Variants in SLC30A8 observed in about 807,000 individuals in gnomAD.
SLC30A8 encodes proton-coupled zinc antiporter SLC30A8.
SLC30A8 carries 27 observed loss-of-function variants against 36.9 expected under a neutral mutation model. The observed-to-expected ratio is 0.73, with a 90% confidence interval of 0.54 to 1.01. The LOEUF is 1.01. SLC30A8 is among the 50% of genes least tolerant of loss of function. The pLI is 0.00. For missense variants in SLC30A8, 439 were observed against 452.0 expected (o/e 0.97, Z 0.26); for synonymous variants, 164 against 172.4 (o/e 0.95, Z 0.38).
intron 1 of SLC30A8, among the ~76,000 whole-genome samples, chr8:116,976,705 G>A (rs1233499756): frequency 6.6e-6 from 1 of 152,060 alleles, no homozygotes; most frequent in Non-Finnish European, 1.5e-5. Flanking sequence ...TAGGTTACCT[G>A]TTCCTCTGCT....
At position 117,035,740 on chromosome 8, in the gene SLC30A8, C is replaced by T. The variant is rs530768808; in HGVS notation, c.-265-3479C>T. Among the ~76,000 whole-genome samples, 21 of 152,354 alleles carry T rather than the reference C, an allele frequency of 1.4e-4. No individual in the cohort carries two copies. The South Asian group carries it at 4.1e-3, about 30-fold the overall frequency. On this transcript the variant is annotated intron_variant, in intron 1 of 10. Coordinates refer to the SLC30A8 transcript ENST00000427715. ...GCCTGGACATCCAGGTGTTTCCATA[C>T]ATCCTCTGAAATCTAGGCAGAGGTT...
chr8:117,089,509 C>T (rs1278805882), intron 2 of SLC30A8, among the ~76,000 whole-genome samples: 3 of 152,138 alleles, frequency 2.0e-5, no homozygotes, highest in Admixed American at 1.3e-4. Flanking sequence ...TCATCAGAAA[C>T]TCTTATGTTT....
intron 1 of SLC30A8, among the ~76,000 whole-genome samples, chr8:117,028,211 T>A (rs1816931699): frequency 6.6e-6 from 1 of 152,164 alleles, no homozygotes; most frequent in Non-Finnish European, 1.5e-5. Flanking sequence ...CATATCACAA[T>A]CACTTATACT....
intron 2 of SLC30A8, among the ~76,000 whole-genome samples, chr8:117,069,985 T>A (rs1055320492): frequency 6.6e-6 from 1 of 152,258 alleles, no homozygotes; most frequent in African/African-American, 2.4e-5. Flanking sequence ...TTGATTTTTA[T>A]CAATTTATAT....
In SLC30A8 at chr8:117,143,665, AACACAC is replaced by A. The variant is rs58613241; in HGVS notation, c.72-3262_72-3257del. Among the ~76,000 whole-genome samples, 341 of 146,294 alleles carry A rather than the reference AACACAC, an allele frequency of 2.3e-3. 1 individual carries two copies. The highest frequency in any genetic ancestry group is 2.9e-3 in the African/African-American group (115 of 39,668). ...CTGTGTACTCTTGCCTCTCCCATAAAACACACACACACACACACACACACACACACA... is the reference window on the plus strand; with the variant it reads ...CTGTGTACTCTTGCCTCTCCCATAAAACACACACACACACACACACACACA... On this transcript the variant is annotated intron_variant, in intron 1 of 7. Coordinates refer to ENST00000456015, the MANE Select transcript of SLC30A8 (RefSeq NM_173851.3).
At chr8:117,170,560 C>T (rs1823319492) in intron 6 of SLC30A8, among the ~76,000 whole-genome samples, 1 of 152,148 alleles carries the variant, frequency 6.6e-6, no homozygotes. Flanking sequence ...CTGAATTGCT[C>T]CTCAAAGATC....
chr8:117,157,973 C>T, intron 4 of SLC30A8, 129 bp downstream of exon 4: 1 of 1,023,258 alleles, frequency 9.8e-7, no homozygotes, highest in African/African-American at 1.6e-5. Flanking sequence ...TTGAATGGCT[C>T]TAAGATTGAA....
intron 2 of SLC30A8, among the ~76,000 whole-genome samples, chr8:117,068,266 C>G (rs1008816849): frequency 6.6e-6 from 1 of 152,170 alleles, no homozygotes; most frequent in African/African-American, 2.4e-5. Context: ...GCCAACTCCT[C>G]TGAGCCTGCC....
chr8:117,145,890 C>T (rs1247517086), intron 1 of SLC30A8, among the ~76,000 whole-genome samples: 2 of 152,020 alleles, frequency 1.3e-5, no homozygotes, highest in South Asian at 2.1e-4. Flanking sequence ...CACATGTTCT[C>T]GCTTATATAT....
chr8:117,003,424 C>T (rs1247740520), intron 1 of SLC30A8, among the ~76,000 whole-genome samples: 1 of 152,174 alleles, frequency 6.6e-6, no homozygotes, highest in African/African-American at 2.4e-5. Flanking sequence ...TTTAACTAGT[C>T]AGTTTCCTCA....
chr8:116,991,615 C>T (rs750100915), intron 1 of SLC30A8, among the ~76,000 whole-genome samples: 2 of 152,110 alleles, frequency 1.3e-5, no homozygotes, highest in Non-Finnish European at 2.9e-5. Context: ...ATGTTCTTTC[C>T]ATTTTCTTAC....
At chr8:116,975,529 T>C (rs1814967125) in intron 1 of SLC30A8, among the ~76,000 whole-genome samples, 1 of 152,186 alleles carries the variant, frequency 6.6e-6, no homozygotes, top group Admixed American at 6.5e-5. Flanking sequence ...TGAGCATTTT[T>C]TAAGGCCTTG....
At chr8:117,138,597 C>G (rs1167652927) in intron 1 of SLC30A8, among the ~76,000 whole-genome samples, 1 of 152,002 alleles carries the variant, frequency 6.6e-6, no homozygotes, top group Non-Finnish European at 1.5e-5. Context: ...TCATTGTAGA[C>G]AGGACCAAGA....
intron 2 of SLC30A8, among the ~76,000 whole-genome samples, chr8:117,052,014 A>G (rs1354546769): frequency 1.3e-5 from 2 of 151,824 alleles, no homozygotes; most frequent in African/African-American, 2.4e-5. Flanking sequence ...CTTTTATTTT[A>G]TTTTTTATTT....
chr8:117,015,913 C>T (rs1330630724), intron 1 of SLC30A8, among the ~76,000 whole-genome samples: 2 of 152,052 alleles, frequency 1.3e-5, no homozygotes, highest in African/African-American at 4.8e-5. Flanking sequence ...GAACAATGGG[C>T]AGAAGTACTT....
intron 1 of SLC30A8, among the ~76,000 whole-genome samples, chr8:117,028,508 A>G (rs1816939065): frequency 6.6e-6 from 1 of 151,246 alleles, no homozygotes; most frequent in East Asian, 1.9e-4. Flanking sequence ...GCTAGCCTTA[A>G]TGTCTTCTGA....
chr8:116,964,352 G>A (rs562926865), intron 1 of SLC30A8, among the ~76,000 whole-genome samples: 15 of 152,296 alleles, frequency 9.8e-5, no homozygotes, highest in African/African-American at 2.6e-4. Flanking sequence ...AAGCAAAAGC[G>A]TGGCTGAACA....
rs145401909 is a variant in SLC30A8 at position 116,964,158 on chromosome 8, G to A, written c.-266+13039G>A. ...CTGAAGCTGAAAAGAGACAAATTGAGCTGAATTAGTTTGTCTTAATTTGAC... is the reference window on the plus strand; with the variant it reads ...CTGAAGCTGAAAAGAGACAAATTGAACTGAATTAGTTTGTCTTAATTTGAC... On this transcript the variant is annotated intron_variant, in intron 1 of 10. Transcript: ENST00000427715. Among the ~76,000 whole-genome samples the A allele has an allele frequency of 1.1e-4, 16 of 152,276 alleles. No individual in the cohort carries two copies. In the East Asian group the frequency reaches 1.9e-3, roughly 18 times the overall value.
At chr8:117,098,544 G>C (rs909688315) in intron 2 of SLC30A8, among the ~76,000 whole-genome samples, 3 of 152,154 alleles carry the variant, frequency 2.0e-5, no homozygotes, top group Admixed American at 2.0e-4. Flanking sequence ...TCTGGAGAGA[G>C]AATATTGGAA....
Sources: allele counts gnomAD v4.1 joint callset (sites outside exome capture counted in the v4.1 genomes callset), GRCh38; gene constraint gnomAD v4.1.1; transcripts MANE v1.5; gene names NCBI Gene and HGNC (gene_info 2026-07-23, HGNC 2026-07-21).